Variants in CYRIB observed in about 807,000 individuals in gnomAD.
CYRIB encodes the protein CYFIP-related Rac1 interactor B.
Under a neutral mutation model 44.2 loss-of-function variants are expected in CYRIB, and 8 were observed. The observed-to-expected ratio is 0.18, with a 90% CI of 0.11 to 0.33. The LOEUF is 0.33. Ranked by LOEUF, CYRIB falls within the 10% of genes least tolerant of loss-of-function variation. The pLI is 1.00. For synonymous variants in CYRIB, 131 were observed against 127.2 expected, an observed-to-expected ratio of 1.03 and a Z score of -0.20; for missense variants, 185 against 382.8, an observed-to-expected ratio of 0.48 and a Z score of 4.31.
intron 2 of CYRIB, among the ~76,000 whole-genome samples, chr8:129,967,381 T>G (rs529700713): frequency 6.6e-6 from 1 of 151,084 alleles, no homozygotes; most frequent in Non-Finnish European, 1.5e-5. Flanking sequence ...GTTTTTTTGT[T>G]TTTTTGTTTT....
intron 3 of CYRIB, among the ~76,000 whole-genome samples, chr8:129,877,466 A>G (rs112933768): frequency 1.1e-4 from 16 of 152,002 alleles, no homozygotes; most frequent in African/African-American, 3.4e-4. Context: ...TGGGCAACAG[A>G]GTGAAACCCC....
In CYRIB at chr8:129,930,365, T is replaced by TTTTATATATATATATA. The variant is rs369665802; in HGVS notation, c.-50+9242_-50+9243insTATATATATATATAAA. ...TCAACTAGGAAGAATTGTGAAGTGC[T>TTTTATATATATATATA]TATATATATATATATTTTAATTATT... is the stretch of plus-strand genomic sequence containing the variant. On this transcript the variant is annotated intron_variant, in intron 1 of 11. Coordinates refer to ENST00000519824, the Ensembl canonical transcript of CYRIB. Among the ~76,000 whole-genome samples, 35 of 50,414 alleles carry TTTTATATATATATATA rather than the reference T, an allele frequency of 6.9e-4. 5 individuals carry two copies. Among genetic ancestry groups the TTTTATATATATATATA allele is most frequent in the African/African-American group, 1.5e-3 (22 of 14,494 alleles). The allele number at this position is 50,414 out of a possible 152,430, so 33.1% of individuals were successfully genotyped here.
At chr8:129,915,321 C>T (rs1002824911) in intron 1 of CYRIB, among the ~76,000 whole-genome samples, 33 of 152,170 alleles carry the variant, frequency 2.2e-4, no homozygotes, top group African/African-American at 8.0e-4. Flanking sequence ...AAACAAGCTA[C>T]TCACACATCC....
intron 1 of CYRIB, among the ~76,000 whole-genome samples, chr8:129,989,633 GCCCTTT>G (rs1490466456): frequency 3.3e-4 from 49 of 149,934 alleles, no homozygotes; most frequent in African/African-American, 1.2e-3. Context: ...CAAGCCTGAT[GCCCTTT>G]CTTTTTTTTT....
chr8:130,016,913 GT>G (rs2097358979), upstream of CYRIB: 1 of 152,242 alleles, frequency 6.6e-6, no homozygotes, highest in Non-Finnish European at 1.5e-5. Flanking sequence ...AGGCGCAAGA[GT>G]GACCCCCAAG....
At chr8:130,012,663 T>A (rs1429372019) in intron 1 of CYRIB, among the ~76,000 whole-genome samples, 3 of 152,264 alleles carry the variant, frequency 2.0e-5, no homozygotes, top group Middle Eastern at 3.4e-3. Context: ...AAAGGAAGTA[T>A]CTTGGCCAAG....
At chr8:129,917,040 G>A (rs950281637) in intron 1 of CYRIB, among the ~76,000 whole-genome samples, 2 of 152,160 alleles carry the variant, frequency 1.3e-5, no homozygotes, top group African/African-American at 4.8e-5. Context: ...GATTCAATGA[G>A]AATGCATGTT....
intron 2 of CYRIB, among the ~76,000 whole-genome samples, chr8:129,895,523 C>CA (rs1256777128): frequency 6.6e-6 from 1 of 151,736 alleles, no homozygotes; most frequent in Non-Finnish European, 1.5e-5. Context: ...TCAAATTCTA[C>CA]AAAAAAATTC....
rs1020693534 is a variant in CYRIB at position 129,891,149 on chromosome 8, T to C, written c.-10-11678A>G. Among the ~76,000 whole-genome samples the C allele has an allele frequency of 4.6e-5, 7 of 152,318 alleles. No homozygotes were observed. The East Asian group carries it at 1.2e-3, about 25-fold the overall frequency. On this transcript the variant is annotated intron_variant, in intron 2 of 11. Coordinates refer to ENST00000519824, the Ensembl canonical transcript of CYRIB. ...GACTCCAGGCCTATGGGGTTCTTCCTTCAGGCTCCTAAATTCTCCCAAATC... is the reference window on the plus strand; with the variant it reads ...GACTCCAGGCCTATGGGGTTCTTCCCTCAGGCTCCTAAATTCTCCCAAATC...
chr8:129,983,349 G>A (rs2096319595), intron 1 of CYRIB, among the ~76,000 whole-genome samples: 1 of 152,182 alleles, frequency 6.6e-6, no homozygotes, highest in African/African-American at 2.4e-5. Context: ...GGAGGCTGAG[G>A]CAGGGGAATG....
At chr8:129,988,289 G>C (rs558089298) in intron 1 of CYRIB, among the ~76,000 whole-genome samples, 2 of 152,090 alleles carry the variant, frequency 1.3e-5, no homozygotes, top group Non-Finnish European at 2.9e-5. Context: ...ATCTTGCTTC[G>C]GCACGCTGCT....
intron 1 of CYRIB, among the ~76,000 whole-genome samples, chr8:129,982,931 C>A (rs376050793): frequency 1.3e-5 from 2 of 151,400 alleles, no homozygotes; most frequent in African/African-American, 4.9e-5. Context: ...TACAAACATA[C>A]ATGTCCAGCT....
At chr8:129,846,681 A>AT in intron 11 of CYRIB, 123 bp downstream of exon 13, 1 of 650,362 alleles carries the variant, frequency 1.5e-6, no homozygotes, top group Non-Finnish European at 2.6e-6. Context: ...TAAGATCTTC[A>AT]TATTTCTAGC....
chr8:129,861,008 A>T (rs1163381968), intron 5 of CYRIB, among the ~76,000 whole-genome samples: 2 of 152,214 alleles, frequency 1.3e-5, no homozygotes, highest in African/African-American at 4.8e-5. Flanking sequence ...TCAGTCTTAC[A>T]GTATATACCC....
At chr8:129,862,964 AAT>A (rs1191372682) in intron 4 of CYRIB, among the ~76,000 whole-genome samples, 3 of 152,198 alleles carry the variant, frequency 2.0e-5, no homozygotes, top group Non-Finnish European at 4.4e-5. Context: ...AAAATGATCC[AAT>A]ATGTTTGTTA....
intron 1 of CYRIB, among the ~76,000 whole-genome samples, chr8:129,909,191 A>G (rs1173615691): frequency 1.3e-5 from 2 of 152,220 alleles, no homozygotes; most frequent in South Asian, 2.1e-4. Flanking sequence ...ACCTCCAGGA[A>G]AAAGTAAATT....
At chr8:129,902,118 A>C (rs1486123320) in intron 2 of CYRIB, among the ~76,000 whole-genome samples, 4 of 152,224 alleles carry the variant, frequency 2.6e-5, no homozygotes, top group Non-Finnish European at 5.9e-5. Flanking sequence ...TGAACTGTAA[A>C]ATACAGAGTA....
chr8:129,914,766 T>C (rs1468153134), intron 1 of CYRIB, among the ~76,000 whole-genome samples: 1 of 152,232 alleles, frequency 6.6e-6, no homozygotes, highest in Non-Finnish European at 1.5e-5. Flanking sequence ...ACATAATTTC[T>C]AAGATTGCTT....
At chr8:129,979,636 C>T (rs2096123996) in intron 1 of CYRIB, among the ~76,000 whole-genome samples, 1 of 152,142 alleles carries the variant, frequency 6.6e-6, no homozygotes, top group Non-Finnish European at 1.5e-5. Flanking sequence ...CATTTCCCAG[C>T]TGGCCATGGT....
Sources: allele counts gnomAD v4.1 joint callset (sites outside exome capture counted in the v4.1 genomes callset), GRCh38; gene constraint gnomAD v4.1.1; transcripts MANE v1.5; gene names NCBI Gene and HGNC (gene_info 2026-07-23, HGNC 2026-07-21).